ZDHHC23: variants seen among roughly 807,000 people sequenced by gnomAD.
ZDHHC23 encodes palmitoyltransferase ZDHHC23.
Under a neutral mutation model 40.2 loss-of-function variants are expected in ZDHHC23, and 41 were observed. That is an observed-to-expected ratio of 1.02 (90% CI 0.79 to 1.32). The LOEUF (loss-of-function observed/expected upper bound fraction) is 1.32, where lower values mean the gene tolerates loss of function less well. Ranked by LOEUF, ZDHHC23 falls within the 40% of genes most tolerant of loss-of-function variation. The pLI is 0.00. For missense variants in ZDHHC23, 471 were observed against 541.5 expected (o/e 0.87, Z 1.29); for synonymous variants, 204 against 210.2 (o/e 0.97, Z 0.26).
In ZDHHC23 at chr3:113,960,858, C is replaced by A; in HGVS notation, c.*2228C>A. 1 of 1,412,088 alleles carries A rather than the reference C, an allele frequency of 7.1e-7. No individual in the cohort carries two copies. Among genetic ancestry groups the A allele is most frequent in the Non-Finnish European group, 9.4e-7 (1 of 1,068,204 alleles). 87.5% of individuals were successfully genotyped at this position (1,412,088 alleles called of 1,614,324 possible). A position where few individuals can be genotyped will look rare whatever the true frequency, so the allele number is the denominator to read the frequency against. On this transcript the variant is annotated 3_prime_UTR_variant, in exon 5 of 5. Coordinates refer to ENST00000638807, the MANE Select transcript of ZDHHC23 (RefSeq NM_001320466.2). ...ATGGACAGTTGACAGAATGCTTAAA[C>A]CTGTCAAAAGATGAGTGATCTTGTG...
At chr3:113,949,136 C>G (rs796211983) in intron 2 of ZDHHC23, among the ~76,000 whole-genome samples, 173 bp downstream of exon 2, 40 of 152,296 alleles carry the variant, frequency 2.6e-4, no homozygotes, top group African/African-American at 9.4e-4. Context: ...AGATGGATTA[C>G]GCAGTAGTGC....
chr3:113,965,109 T>G (rs369522532), downstream of ZDHHC23: 191 of 1,269,474 alleles, frequency 1.5e-4, 1 homozygote, highest in African/African-American at 2.7e-3. Context: ...ATAACACACA[T>G]ACAGACTAGT....
the ZDHHC23 span, among the ~76,000 whole-genome samples, chr3:113,974,233 G>A: frequency 6.6e-6 from 1 of 151,734 alleles, no homozygotes; most frequent in Non-Finnish European, 1.5e-5. Context: ...ATGTTGGTTA[G>A]AGTTTACATA....
chr3:113,965,054 G>A (rs1373840168), downstream of ZDHHC23: 1 of 605,354 alleles, frequency 1.7e-6, no homozygotes, highest in Non-Finnish European at 2.7e-6. Context: ...GTAGCTCGTA[G>A]AGAATAAACC....
intron 2 of ZDHHC23, among the ~76,000 whole-genome samples, chr3:113,952,918 C>T (rs934175615): frequency 2.0e-5 from 3 of 152,202 alleles, no homozygotes; most frequent in Admixed American, 6.5e-5. Context: ...TCCTAGAGGC[C>T]CCGTCTCTTA....
intron 3 of ZDHHC23, 52 bp from the exon 4 acceptor site, chr3:113,956,287 C>A (rs1939221481): frequency 1.3e-6 from 2 of 1,558,220 alleles, no homozygotes; most frequent in African/African-American, 1.4e-5. Context: ...TAAGTTATAT[C>A]AAGAACTCTT....
intron 3 of ZDHHC23, among the ~76,000 whole-genome samples, chr3:113,954,861 A>T (rs557172278): frequency 6.6e-6 from 1 of 152,238 alleles, no homozygotes; most frequent in African/African-American, 2.4e-5. Context: ...ATCGTTTTTG[A>T]TGCTACCGAT....
chr3:113,976,070 A>G, the ZDHHC23 span, among the ~76,000 whole-genome samples: 1 of 151,436 alleles, frequency 6.6e-6, no homozygotes, highest in Non-Finnish European at 1.5e-5. Flanking sequence ...CAGCCTGGGC[A>G]GCATGGTAAA....
the ZDHHC23 span, among the ~76,000 whole-genome samples, chr3:113,972,691 T>C: frequency 1.3e-5 from 2 of 152,308 alleles, no homozygotes; most frequent in East Asian, 1.9e-4. Context: ...ATGATTGTAT[T>C]GCAGTTATCT....
chr3:113,971,201 A>G, the ZDHHC23 span, among the ~76,000 whole-genome samples: 45 of 152,218 alleles, frequency 3.0e-4, no homozygotes, highest in Non-Finnish European at 1.2e-4. Flanking sequence ...AAGTGTTCCT[A>G]TTTCTCCACA....
At chr3:113,949,040 C>G in intron 2 of ZDHHC23, 77 bp downstream of exon 2, 1 of 1,556,926 alleles carries the variant, frequency 6.4e-7, no homozygotes, top group Non-Finnish European at 8.7e-7. Flanking sequence ...ACCTAGCCAC[C>G]CAGAATGCTA....
rs758839342 is a variant in ZDHHC23, at chr3:113,956,493, T to C, written c.1027T>C (p.Tyr343His). The C allele has an allele frequency of 1.9e-5, 30 of 1,612,392 alleles. No individual in the cohort carries two copies. Among genetic ancestry groups the C allele is most frequent in the Non-Finnish European group, 2.1e-5 (25 of 1,179,562 alleles). ...FTALFYCPGV[Y>H]ANYSSALSFT... ...AGCTCTTTTCTATTGTCCTGGAGTT[T>C]ATGCAAATTACAGGTGAGCAGTGGG... The change falls in exon 4 of 5, where the codon TAT becomes CAT. Residue 343 changes from tyrosine to histidine, a missense_variant. Transcript: ENST00000638807.
At chr3:113,957,890 T>C in intron 4 of ZDHHC23, 1 of 503,786 alleles carries the variant, frequency 2.0e-6, no homozygotes, top group Non-Finnish European at 3.9e-6. Context: ...TCGTCCATCG[T>C]CTTTTCATTC....
the ZDHHC23 span, among the ~76,000 whole-genome samples, chr3:113,975,406 T>C: frequency 1.3e-5 from 2 of 152,222 alleles, no homozygotes; most frequent in Non-Finnish European, 2.9e-5. Flanking sequence ...ACTCTGAATA[T>C]CAATTTTTTA....
At chr3:113,949,198 A>G (rs1938431098) in intron 2 of ZDHHC23, among the ~76,000 whole-genome samples, 1 of 152,160 alleles carries the variant, frequency 6.6e-6, no homozygotes, top group South Asian at 2.1e-4. Context: ...GTTTAAAGAG[A>G]GATGAGGGAG....
chr3:113,965,212 C>T, downstream of ZDHHC23: 2 of 1,611,656 alleles, frequency 1.2e-6, no homozygotes, highest in East Asian at 2.2e-5. Context: ...GCTGATATAG[C>T]TCGTGGTACC....
At chr3:113,976,104 C>T in the ZDHHC23 span, among the ~76,000 whole-genome samples, 2 of 148,892 alleles carry the variant, frequency 1.3e-5, no homozygotes, top group East Asian at 4.0e-4. Flanking sequence ...ACTAAAAATA[C>T]AAAAATTAGC....
Position 113,960,995 on chromosome 3 carries a change from C to G in ZDHHC23, c.*2365C>G, listed in dbSNP as rs1939642660. 5 of 432,986 alleles carry G rather than the reference C, an allele frequency of 1.2e-5. No individual in the cohort carries two copies. The highest frequency in any genetic ancestry group is 2.0e-5 in the Non-Finnish European group (5 of 252,864). The allele number at this position is 432,986 out of a possible 1,614,324, so 26.8% of individuals were successfully genotyped here. ...ATCTTTGGTTTATAGGATTTTGGAG[C>G]CTTTTATGATCTGGAACTATTTGAG... On this transcript the variant is annotated 3_prime_UTR_variant, in exon 5 of 5. Coordinates refer to ENST00000638807, the MANE Select transcript of ZDHHC23 (RefSeq NM_001320466.2).
chr3:113,958,305 G>A lies in ZDHHC23; in HGVS notation c.1041-58G>A, dbSNP rs142319496. ...AAAATGTGTAAAACGTGAGAATGATGACAGTTTTCTGAATTTGACAAAAAC... is the reference window on the plus strand; with the variant it reads ...AAAATGTGTAAAACGTGAGAATGATAACAGTTTTCTGAATTTGACAAAAAC... On this transcript the variant is annotated intron_variant, in intron 4 of 4. Coordinates refer to ENST00000638807, the MANE Select transcript of ZDHHC23 (RefSeq NM_001320466.2). 2.4e-4 allele frequency: 350 copies of A among 1,472,678 alleles called. No homozygotes were observed. In the African/African-American group the frequency reaches 4.3e-3, roughly 18 times the overall value. 91.2% of individuals were successfully genotyped at this position (1,472,678 alleles called of 1,614,324 possible). A position where few individuals can be genotyped will look rare whatever the true frequency, so the allele number is the denominator to read the frequency against.
Sources: allele counts gnomAD v4.1 joint callset (sites outside exome capture counted in the v4.1 genomes callset), GRCh38; gene constraint gnomAD v4.1.1; transcripts MANE v1.5; gene names NCBI Gene and HGNC (gene_info 2026-07-23, HGNC 2026-07-21).